Variants in PPP2R3A observed in about 807,000 individuals in gnomAD.
PPP2R3A encodes protein phosphatase 2 regulatory subunit B''alpha, also known as serine/threonine-protein phosphatase 2A regulatory subunit B'' subunit alpha.
PPP2R3A carries 80 observed loss-of-function variants against 106.9 expected under a neutral mutation model. That is an observed-to-expected ratio of 0.75 (90% CI 0.62 to 0.90). The LOEUF (loss-of-function observed/expected upper bound fraction) is 0.90, where lower values mean the gene tolerates loss of function less well. Ranked by LOEUF, PPP2R3A falls within the 40% of genes least tolerant of loss-of-function variation. The probability of loss-of-function intolerance (pLI) is 0.00; values close to 1 mark genes in which losing one functional copy is unlikely to be tolerated. For synonymous variants in PPP2R3A, 483 were observed against 468.3 expected, an observed-to-expected ratio of 1.03 and a Z score of -0.41; for missense variants, 1,386 against 1,350.4, an observed-to-expected ratio of 1.03 and a Z score of -0.41.
chr3:136,087,245 G>GTCTCTCTCTCCCTC, intron 8 of PPP2R3A, among the ~76,000 whole-genome samples: 1 of 75,128 alleles, frequency 1.3e-5, no homozygotes, highest in African/African-American at 4.6e-5. Flanking sequence ...CTCTAGTCGT[G>GTCTCTCTCTCCCTC]TCTCTCTCTC....
intron 2 of PPP2R3A, among the ~76,000 whole-genome samples, chr3:136,008,734 C>T (rs1559866229): frequency 6.6e-6 from 1 of 152,098 alleles, no homozygotes; most frequent in Non-Finnish European, 1.5e-5. Flanking sequence ...AAGTGAATCT[C>T]ATATCCAGGT....
intron 7 of PPP2R3A, among the ~76,000 whole-genome samples, chr3:136,080,553 G>T (rs1325528736): frequency 6.6e-6 from 1 of 152,136 alleles, no homozygotes; most frequent in Non-Finnish European, 1.5e-5. Flanking sequence ...CTAAATATGT[G>T]CTTTATTGAA....
At chr3:135,986,279 G>C (rs1366840356) in intron 1 of PPP2R3A, among the ~76,000 whole-genome samples, 1 of 152,064 alleles carries the variant, frequency 6.6e-6, no homozygotes, top group Non-Finnish European at 1.5e-5. Context: ...AAGTTTTCAG[G>C]AGGTAGAAGG....
chr3:136,010,576 G>A (rs960099253), intron 2 of PPP2R3A, among the ~76,000 whole-genome samples: 2 of 151,922 alleles, frequency 1.3e-5, no homozygotes, highest in South Asian at 2.1e-4. Flanking sequence ...ACAGGCGCCC[G>A]CCACTACGCC....
intron 1 of PPP2R3A, among the ~76,000 whole-genome samples, chr3:135,996,086 G>A (rs1345202747): frequency 1.3e-5 from 2 of 152,072 alleles, no homozygotes. Context: ...CCATGTCACA[G>A]TTCTGCCTGA....
At chr3:136,037,655 A>C (rs1935130099) in intron 3 of PPP2R3A, among the ~76,000 whole-genome samples, 1 of 152,220 alleles carries the variant, frequency 6.6e-6, no homozygotes, top group African/African-American at 2.4e-5. Flanking sequence ...TGTGAGGATC[A>C]CGTGAAGGCC....
intron 1 of PPP2R3A, among the ~76,000 whole-genome samples, chr3:135,979,926 C>G (rs538387872): frequency 6.6e-6 from 1 of 151,862 alleles, no homozygotes; most frequent in African/African-American, 2.4e-5. Flanking sequence ...TTAAGTAAAT[C>G]CACTGTAAGT....
chr3:135,998,424 A>G (rs892395217), intron 1 of PPP2R3A, among the ~76,000 whole-genome samples: 1 of 152,248 alleles, frequency 6.6e-6, no homozygotes, highest in Non-Finnish European at 1.5e-5. Context: ...CAGACTTACC[A>G]GCAATCAAGG....
intron 8 of PPP2R3A, among the ~76,000 whole-genome samples, chr3:136,087,072 C>T (rs909485619): frequency 2.0e-5 from 3 of 152,074 alleles, no homozygotes; most frequent in Admixed American, 6.6e-5. Context: ...GGTATGGTGG[C>T]GCATGCCTGT....
rs146154215 is a variant in PPP2R3A at position 136,002,725 on chromosome 3, C to T, written c.1227C>T (p.Asp409=). Residue 409 remains aspartate (D), a synonymous_variant, in exon 2 of 14, where the codon GAC becomes GAT. Coordinates refer to ENST00000264977, the MANE Select transcript of PPP2R3A (RefSeq NM_002718.5). ...ATCCTTTAGAAAATGTTTCTTCTGA[C>T]GACTTAATGGAAACTCTTTATATTG... The part of the protein sequence containing the change: ...TMNPLENVSS[D]DLMETLYIEE... The T allele has an allele frequency of 6.3e-4, 1,010 of 1,612,596 alleles. No individual in the cohort carries two copies. The highest frequency in any genetic ancestry group is 8.0e-4 in the Non-Finnish European group (944 of 1,179,522).
At chr3:136,016,071 TGACTC>T (rs1204432784) in intron 2 of PPP2R3A, among the ~76,000 whole-genome samples, 18 of 152,180 alleles carry the variant, frequency 1.2e-4, no homozygotes, top group African/African-American at 4.3e-4. Flanking sequence ...ATTTCATTGT[TGACTC>T]AACAATCATT....
intron 5 of PPP2R3A, among the ~76,000 whole-genome samples, chr3:136,066,683 G>A (rs536220980): frequency 1.3e-5 from 2 of 151,872 alleles, no homozygotes; most frequent in African/African-American, 2.4e-5. Flanking sequence ...AAGGTGTGGG[G>A]GAGTTGCTGC....
intron 13 of PPP2R3A, among the ~76,000 whole-genome samples, chr3:136,124,485 A>G (rs909526676): frequency 2.6e-5 from 4 of 152,176 alleles, no homozygotes; most frequent in Non-Finnish European, 2.9e-5. Context: ...CCTTGTCTCA[A>G]AAAAGAAAGA....
chr3:136,026,170 G>A (rs1040560155), intron 2 of PPP2R3A, among the ~76,000 whole-genome samples: 1 of 152,070 alleles, frequency 6.6e-6, no homozygotes, highest in Admixed American at 6.6e-5. Flanking sequence ...TAATGACCAT[G>A]GTTTTTGCCT....
At chr3:136,092,551 A>T (rs887809476) in intron 10 of PPP2R3A, among the ~76,000 whole-genome samples, 4 of 152,218 alleles carry the variant, frequency 2.6e-5, no homozygotes, top group Non-Finnish European at 5.9e-5. Flanking sequence ...AAGGGACCAC[A>T]GTAACCAAAA....
At chr3:136,124,145 C>A (rs1044440993) in intron 13 of PPP2R3A, among the ~76,000 whole-genome samples, 1 of 152,010 alleles carries the variant, frequency 6.6e-6, no homozygotes, top group Non-Finnish European at 1.5e-5. Context: ...AAAGAAAAAA[C>A]CACAGGGAAA....
intron 6 of PPP2R3A, among the ~76,000 whole-genome samples, chr3:136,077,584 A>G (rs1017102919): frequency 5.3e-5 from 8 of 150,232 alleles, no homozygotes; most frequent in African/African-American, 1.2e-4. Context: ...AATCAGTGAA[A>G]GGGAAATGAA....
chr3:136,049,853 T>C (rs1935620075), intron 5 of PPP2R3A, among the ~76,000 whole-genome samples: 1 of 152,152 alleles, frequency 6.6e-6, no homozygotes, highest in Non-Finnish European at 1.5e-5. Flanking sequence ...AAATGCTTGG[T>C]TTCCTGATTC....
At chr3:136,038,038 TGCC>T in intron 3 of PPP2R3A, among the ~76,000 whole-genome samples, 1 of 152,362 alleles carries the variant, frequency 6.6e-6, no homozygotes. Flanking sequence ...GCTATTTTCT[TGCC>T]TTCAGATTAA....
Sources: gnomAD v4.1 joint callset for allele counts (sites outside exome capture counted in the v4.1 genomes callset) on GRCh38, gnomAD v4.1.1 for gene constraint, MANE v1.5 for transcripts, NCBI Gene and HGNC (gene_info 2026-07-23, HGNC 2026-07-21) for gene names.